The following SGMS1 variants were observed in gnomAD, a reference collection of about 807,000 sequenced individuals.
SGMS1 encodes the protein phosphatidylcholine:ceramide cholinephosphotransferase 1.
In SGMS1, 13 loss-of-function variants were observed where a neutral mutation model predicts 46.2. That is an observed-to-expected ratio of 0.28 (90% CI 0.18 to 0.45). The LOEUF is 0.45. Ranked by LOEUF, SGMS1 falls within the 20% of genes least tolerant of loss-of-function variation. The probability of loss-of-function intolerance (pLI) is 1.00; values close to 1 mark genes in which losing one functional copy is unlikely to be tolerated. For synonymous variants in SGMS1, 203 were observed against 187.8 expected (o/e 1.08, Z -0.66); for missense variants, 324 against 519.9 (o/e 0.62, Z 3.66).
intron 2 of SGMS1, among the ~76,000 whole-genome samples, chr10:50,544,114 G>C (rs1282743443): frequency 6.6e-6 from 1 of 152,202 alleles, no homozygotes; most frequent in Admixed American, 6.5e-5. Flanking sequence ...TGCTGACATA[G>C]CTTATAGGAA....
At chr10:50,594,020 C>T (rs554925203) in intron 1 of SGMS1, among the ~76,000 whole-genome samples, 4 of 152,290 alleles carry the variant, frequency 2.6e-5, no homozygotes, top group African/African-American at 9.6e-5. Flanking sequence ...TCCTCTAATG[C>T]CAAATTGTTT....
In SGMS1 at chr10:50,463,781, C is replaced by T. The variant is rs534119519; in HGVS notation, c.-454-2967G>A. Among the ~76,000 whole-genome samples the T allele has an allele frequency of 5.9e-5, 9 of 152,248 alleles. No individual in the cohort carries two copies. The South Asian group carries it at 1.9e-3, about 32-fold the overall frequency. ...TAAGAGGTGGACGCAACCCACACAT[C>T]CAATGGCAGATGAATAAAGAAAACA... is the stretch of plus-strand genomic sequence containing the variant. On this transcript the variant is annotated intron_variant, in intron 4 of 10. Transcript: ENST00000361781.
At chr10:50,609,222 C>T (rs1011699666) in intron 1 of SGMS1, among the ~76,000 whole-genome samples, 4 of 152,226 alleles carry the variant, frequency 2.6e-5, no homozygotes, top group Non-Finnish European at 4.4e-5. Flanking sequence ...CCACCAGCCT[C>T]AGCCTCCCAA....
chr10:50,507,851 A>G (rs1837720801), intron 3 of SGMS1, among the ~76,000 whole-genome samples: 1 of 152,186 alleles, frequency 6.6e-6, no homozygotes, highest in South Asian at 2.1e-4. Context: ...TCAGGCCCCA[A>G]TACCCTAATA....
chr10:50,329,288 A>G (rs533896859), intron 7 of SGMS1, among the ~76,000 whole-genome samples: 1 of 152,212 alleles, frequency 6.6e-6, no homozygotes, highest in Non-Finnish European at 1.5e-5. Context: ...GAAAAGACAA[A>G]TACATAAAAT....
At chr10:50,370,453 A>G (rs1848417769) in intron 6 of SGMS1, among the ~76,000 whole-genome samples, 1 of 151,172 alleles carries the variant, frequency 6.6e-6, no homozygotes, top group Non-Finnish European at 1.5e-5. Context: ...TTTTTAAACA[A>G]AGACACAAGC....
intron 5 of SGMS1, among the ~76,000 whole-genome samples, chr10:50,436,767 A>G (rs905944687): frequency 6.6e-6 from 1 of 151,418 alleles, no homozygotes; most frequent in African/African-American, 2.4e-5. Flanking sequence ...TATGAAAATA[A>G]GGCTGGAGAA....
chr10:50,347,364 G>A (rs968447223), intron 6 of SGMS1, among the ~76,000 whole-genome samples: 1 of 152,154 alleles, frequency 6.6e-6, no homozygotes, highest in Non-Finnish European at 1.5e-5. Context: ...GGACGCGCAA[G>A]GAGAATAAGA....
At chr10:50,623,494 C>T (rs987770157) in intron 1 of SGMS1, 3 of 859,240 alleles carry the variant, frequency 3.5e-6, no homozygotes, top group East Asian at 1.2e-4. Context: ...TCCCGGCCGC[C>T]GGACCTCCCC....
chr10:50,542,662 T>C (rs1331727762), intron 2 of SGMS1, among the ~76,000 whole-genome samples: 3 of 149,182 alleles, frequency 2.0e-5, no homozygotes, highest in Non-Finnish European at 3.0e-5. Flanking sequence ...CACACACATA[T>C]ACAGAAATGC....
chr10:50,425,636 A>G (rs1323280164), intron 6 of SGMS1, among the ~76,000 whole-genome samples: 2 of 152,202 alleles, frequency 1.3e-5, no homozygotes, highest in East Asian at 1.9e-4. Context: ...CCACCTATTG[A>G]GTACTATGCT....
At chr10:50,316,949 A>G (rs1398305163) in intron 8 of SGMS1, among the ~76,000 whole-genome samples, 1 of 152,180 alleles carries the variant, frequency 6.6e-6, no homozygotes, top group Non-Finnish European at 1.5e-5. Flanking sequence ...TAACCGTGAC[A>G]CTTAGAACTA....
At chr10:50,491,648 C>T (rs1207089015) in intron 3 of SGMS1, among the ~76,000 whole-genome samples, 4 of 152,124 alleles carry the variant, frequency 2.6e-5, no homozygotes, top group East Asian at 1.9e-4. Flanking sequence ...AGACCAATAA[C>T]GAACTCTGAG....
chr10:50,513,259 G>A (rs962287267), intron 3 of SGMS1, among the ~76,000 whole-genome samples: 2 of 152,118 alleles, frequency 1.3e-5, no homozygotes, highest in South Asian at 4.1e-4. Flanking sequence ...ACTGGCAACC[G>A]CAAGATGGTT....
chr10:50,516,001 C>T (rs1383702703), intron 3 of SGMS1, among the ~76,000 whole-genome samples: 5 of 152,126 alleles, frequency 3.3e-5, no homozygotes, highest in African/African-American at 1.2e-4. Flanking sequence ...TTACAAATAT[C>T]CTACCTGTAA....
intron 6 of SGMS1, among the ~76,000 whole-genome samples, chr10:50,361,408 T>C (rs1848245786): frequency 6.6e-6 from 1 of 152,100 alleles, no homozygotes; most frequent in African/African-American, 2.4e-5. Flanking sequence ...GGCTCTCAAG[T>C]TCACATACCC....
At chr10:50,377,573 C>T (rs1372019387) in intron 6 of SGMS1, among the ~76,000 whole-genome samples, 1 of 152,182 alleles carries the variant, frequency 6.6e-6, no homozygotes, top group Non-Finnish European at 1.5e-5. Context: ...CGCCATACTT[C>T]TCAGCTAATG....
At chr10:50,412,446 C>T (rs1218374961) in intron 6 of SGMS1, among the ~76,000 whole-genome samples, 1 of 152,142 alleles carries the variant, frequency 6.6e-6, no homozygotes, top group Non-Finnish European at 1.5e-5. Flanking sequence ...CCATCCAACC[C>T]CTATCACCTA....
upstream of SGMS1, chr10:50,624,786 C>T (rs1347085431): frequency 3.0e-6 from 3 of 986,430 alleles, no homozygotes; most frequent in Non-Finnish European, 3.6e-6. Context: ...GCTGGCCTTC[C>T]CGCCCCGATG....
Sources: allele counts gnomAD v4.1 joint callset (sites outside exome capture counted in the v4.1 genomes callset), GRCh38; gene constraint gnomAD v4.1.1; transcripts MANE v1.5; gene names NCBI Gene and HGNC (gene_info 2026-07-23, HGNC 2026-07-21).